The following TSNAX variants were observed in gnomAD, a reference collection of about 807,000 sequenced individuals.
The protein encoded by TSNAX is translin-associated protein X.
Under a neutral mutation model 33.0 loss-of-function variants are expected in TSNAX, and 12 were observed. The ratio of observed to expected loss-of-function variants is 0.36; its 90% confidence interval spans 0.23 to 0.59. The LOEUF (loss-of-function observed/expected upper bound fraction) is 0.59. Ranked by LOEUF, TSNAX falls within the 20% of genes least tolerant of loss-of-function variation. The probability of loss-of-function intolerance (pLI) is 0.74; values close to 1 mark genes in which losing one functional copy is unlikely to be tolerated. For missense variants in TSNAX, 267 were observed against 341.3 expected, an observed-to-expected ratio of 0.78 and a Z score of 1.72; for synonymous variants, 110 against 117.2, an observed-to-expected ratio of 0.94 and a Z score of 0.40.
At chr1:231,533,293 T>C (rs1658911848) in intron 2 of TSNAX, among the ~76,000 whole-genome samples, 1 of 152,214 alleles carries the variant, frequency 6.6e-6, no homozygotes, top group African/African-American at 2.4e-5. Flanking sequence ...GACATGGGGT[T>C]TCACTATATA....
At position 231,561,161 on chromosome 1, in the gene TSNAX, A is replaced by G. The variant is rs1335712167; in HGVS notation, c.401A>G (p.Gln134Arg). The change falls in exon 5 of 6, where the codon CAA (glutamine) becomes CGA (arginine). Residue 134 changes from glutamine to arginine, a missense_variant. Gln to Arg is a conservative substitution (Grantham distance 43). This residue lies in a region of TSNAX where 200 missense variants were observed against 214.1 expected (regional missense o/e 0.93). Transcript: ENST00000366639. Reference sequence around the variant, plus strand: ...GAATATGTGGAAGCTGTCTCTTTTCAACACTTCATCAAAACACGATCATTA... The same window carrying G: ...GAATATGTGGAAGCTGTCTCTTTTCGACACTTCATCAAAACACGATCATTA... ...LQEYVEAVSF[Q>R]HFIKTRSLIS... is the part of the protein sequence containing the mutation. The G allele has an allele frequency of 6.2e-7, 1 of 1,611,576 alleles. No individual in the cohort carries two copies. Among genetic ancestry groups the G allele is most frequent in the African/African-American group, 1.3e-5 (1 of 74,784 alleles).
chr1:231,532,074 GAA>G (rs1256792632), intron 2 of TSNAX, among the ~76,000 whole-genome samples: 1 of 81,174 alleles, frequency 1.2e-5, no homozygotes, highest in Non-Finnish European at 2.4e-5. Flanking sequence ...ACTCAAAAAG[GAA>G]AAAAAAAAAA....
intron 4 of TSNAX, among the ~76,000 whole-genome samples, chr1:231,557,969 A>G (rs532022924): frequency 1.1e-3 from 161 of 152,278 alleles, no homozygotes; most frequent in Admixed American, 2.4e-3. Context: ...AGAACTCTAA[A>G]GAGTACTGGA....
chr1:231,561,837 C>A (rs1572151384), intron 5 of TSNAX, among the ~76,000 whole-genome samples: 1 of 152,190 alleles, frequency 6.6e-6, no homozygotes, highest in African/African-American at 2.4e-5. Flanking sequence ...AGGCAATATA[C>A]AGCAGCACCT....
intron 4 of TSNAX, among the ~76,000 whole-genome samples, chr1:231,545,700 C>CT (rs1198998409): frequency 2.6e-5 from 4 of 152,082 alleles, no homozygotes; most frequent in African/African-American, 7.2e-5. Flanking sequence ...GTACACAAAA[C>CT]TAAGTTTATA....
intron 2 of TSNAX, among the ~76,000 whole-genome samples, chr1:231,529,870 A>G (rs1049634835): frequency 1.3e-5 from 2 of 152,206 alleles, no homozygotes; most frequent in African/African-American, 4.8e-5. Context: ...CAAAACAAAC[A>G]CAAAACAAAA....
chr1:231,553,519 G>A (rs1476064327), intron 4 of TSNAX, among the ~76,000 whole-genome samples: 1 of 152,252 alleles, frequency 6.6e-6, no homozygotes, highest in South Asian at 2.1e-4. Flanking sequence ...TCACCTTGGG[G>A]ATTATTCACT....
At chr1:231,553,513 C>G (rs181154982) in intron 4 of TSNAX, among the ~76,000 whole-genome samples, 1 of 152,070 alleles carries the variant, frequency 6.6e-6, no homozygotes, top group Non-Finnish European at 1.5e-5. Context: ...AAATTTTCAC[C>G]TTGGGGATTA....
rs374469236 is a variant in TSNAX, at chr1:231,542,462, C to G, written c.237-19C>G. 56 of 1,610,942 alleles carry G rather than the reference C, an allele frequency of 3.5e-5. No homozygotes were observed. In the African/African-American group the frequency reaches 5.5e-4, roughly 16 times the overall value. Reference sequence around the variant, plus strand: ...TAAAGCATCTGATGTTCTAAAAGTTCCCAATATCTTGATCATAGTGCTCCT... The same window carrying G: ...TAAAGCATCTGATGTTCTAAAAGTTGCCAATATCTTGATCATAGTGCTCCT... On this transcript the variant is annotated intron_variant, in intron 3 of 5. Coordinates refer to ENST00000366639, the MANE Select transcript of TSNAX (RefSeq NM_005999.3).
chr1:231,543,070 C>T (rs1301939573), intron 4 of TSNAX, among the ~76,000 whole-genome samples: 2 of 151,808 alleles, frequency 1.3e-5, no homozygotes. Context: ...CCCAGCTACT[C>T]CGGAGGCTGA....
rs541658827 is a variant in TSNAX at position 231,565,041 on chromosome 1, A to G, written c.*136A>G. The G allele has an allele frequency of 4.7e-5, 52 of 1,096,764 alleles. No individual in the cohort carries two copies. In the African/African-American group the frequency reaches 7.0e-4, roughly 15 times the overall value. 67.9% of individuals were successfully genotyped at this position (1,096,764 alleles called of 1,614,324 possible). A position where few individuals can be genotyped will look rare whatever the true frequency, so the allele number is the denominator to read the frequency against. On this transcript the variant is annotated 3_prime_UTR_variant, in exon 6 of 6. Transcript: ENST00000366639. Reference sequence around the variant, plus strand: ...TTCAGTTGTACTTGTTTTAAATTGTATACAAGCTGTACATAAAATTAGCCA... The same window carrying G: ...TTCAGTTGTACTTGTTTTAAATTGTGTACAAGCTGTACATAAAATTAGCCA...
chr1:231,540,452 G>A (rs1320607934), intron 3 of TSNAX, among the ~76,000 whole-genome samples: 1 of 152,154 alleles, frequency 6.6e-6, no homozygotes, highest in Non-Finnish European at 1.5e-5. Flanking sequence ...TATTTTGGGA[G>A]TTTTCCAGAC....
intron 4 of TSNAX, among the ~76,000 whole-genome samples, chr1:231,552,993 TTGG>T (rs1392348652): frequency 6.6e-6 from 1 of 152,236 alleles, no homozygotes; most frequent in Non-Finnish European, 1.5e-5. Flanking sequence ...CTATCATCAG[TTGG>T]TGGACTTTTG....
intron 4 of TSNAX, among the ~76,000 whole-genome samples, chr1:231,552,070 C>A (rs143907426): frequency 6.6e-6 from 1 of 152,042 alleles, no homozygotes; most frequent in Non-Finnish European, 1.5e-5. Flanking sequence ...CCAAGGTGGG[C>A]GAATCACCTG....
intron 4 of TSNAX, among the ~76,000 whole-genome samples, chr1:231,549,865 C>T (rs1462158989): frequency 6.6e-6 from 1 of 152,120 alleles, no homozygotes; most frequent in African/African-American, 2.4e-5. Flanking sequence ...AATAAAATAC[C>T]ACAGACTGGG....
intron 5 of TSNAX, 92 bp from the exon 6 acceptor site, chr1:231,564,435 TA>T (rs1241358475): frequency 6.7e-7 from 1 of 1,496,168 alleles, no homozygotes; most frequent in African/African-American, 1.4e-5. Flanking sequence ...ACTTCTATAA[TA>T]AATGTGATAC....
In TSNAX at chr1:231,555,351, G is replaced by A. The variant is rs115865827; in HGVS notation, c.368-5777G>A. Among the ~76,000 whole-genome samples the A allele has an allele frequency of 6.1e-3, 924 of 152,244 alleles. 9 individuals carry two copies. The highest frequency in any genetic ancestry group is 0.021 in the African/African-American group (879 of 41,548). ...TTACTTACATGAGGTACCCAGAGTAGTCAAAATCATAGAGACAAGAAAGTA... is the reference window on the plus strand; with the variant it reads ...TTACTTACATGAGGTACCCAGAGTAATCAAAATCATAGAGACAAGAAAGTA... On this transcript the variant is annotated intron_variant, in intron 4 of 5. Transcript: ENST00000366639.
intron 4 of TSNAX, among the ~76,000 whole-genome samples, chr1:231,549,864 CCA>C (rs1396743604): frequency 6.6e-6 from 1 of 152,164 alleles, no homozygotes; most frequent in Admixed American, 6.5e-5. Flanking sequence ...TAATAAAATA[CCA>C]CAGACTGGGT....
chr1:231,545,926 T>C (rs940617721), intron 4 of TSNAX, among the ~76,000 whole-genome samples: 8 of 152,176 alleles, frequency 5.3e-5, no homozygotes, highest in Non-Finnish European at 8.8e-5. Context: ...TAGCACGTGG[T>C]ACCATTGGTT....
Sources: gnomAD v4.1 joint callset for allele counts (sites outside exome capture counted in the v4.1 genomes callset) on GRCh38, gnomAD v4.1.1 for gene constraint, gnomAD v4.1.1 regional missense constraint, MANE v1.5 for transcripts, NCBI Gene and HGNC (gene_info 2026-07-23, HGNC 2026-07-21) for gene names.